The following ADAM11 variants were observed in gnomAD, a reference collection of about 807,000 sequenced individuals.
ADAM11 encodes the protein disintegrin and metalloproteinase domain-containing protein 11.
A neutral mutation model predicts 119.1 loss-of-function variants in ADAM11; 49 were observed. The ratio of observed to expected loss-of-function variants is 0.41; its 90% confidence interval spans 0.33 to 0.52. The LOEUF (loss-of-function observed/expected upper bound fraction) is 0.52. Ranked by LOEUF, ADAM11 falls within the 20% of genes least tolerant of loss-of-function variation. ADAM11 has a pLI of 0.20. For synonymous variants in ADAM11, 364 were observed against 408.0 expected, an observed-to-expected ratio of 0.89 and a Z score of 1.30; for missense variants, 777 against 1,047.5, an observed-to-expected ratio of 0.74 and a Z score of 3.56.
At chr17:44,771,117 A>T (rs774373675) in intron 4 of ADAM11, among the ~76,000 whole-genome samples, 9 of 151,992 alleles carry the variant, frequency 5.9e-5, no homozygotes, top group Non-Finnish European at 1.3e-4. Context: ...TCCGTCTCAA[A>T]AAATAAATAA....
At position 44,773,428 on chromosome 17, in the gene ADAM11, G is replaced by A. The variant is rs1365949465; in HGVS notation, c.992+1G>A. The A allele has an allele frequency of 3.1e-6, 5 of 1,612,228 alleles. No individual in the cohort carries two copies. The highest frequency in any genetic ancestry group is 2.2e-5 in the East Asian group (1 of 44,830). Reference sequence around the variant, plus strand: ...CCAGTGATGCCACCCACCTCTTCTCGTGAGTCCCCCACCCTGCACCTCCTG... The same window carrying A: ...CCAGTGATGCCACCCACCTCTTCTCATGAGTCCCCCACCCTGCACCTCCTG... On this transcript the variant is annotated splice_donor_variant, in intron 11 of 26. Coordinates refer to ENST00000200557, the MANE Select transcript of ADAM11 (RefSeq NM_002390.6). LOFTEE classifies it high-confidence loss of function. This position sits in a 1 kb window ranked among gnomAD's most constrained non-coding sequence, Gnocchi z 4.6.
intron 2 of ADAM11, among the ~76,000 whole-genome samples, chr17:44,762,092 G>A (rs1173621097): frequency 6.6e-6 from 1 of 152,198 alleles, no homozygotes; most frequent in East Asian, 1.9e-4. Context: ...CCAAAGTGCT[G>A]GGATTACAAG....
rs1183741587 is a variant in ADAM11, at chr17:44,772,339, G to T, written c.610+6G>T. The T allele has an allele frequency of 6.3e-7, 1 of 1,593,276 alleles. No homozygotes were observed. The highest frequency in any genetic ancestry group is 8.6e-7 in the Non-Finnish European group (1 of 1,168,702). On this transcript the variant is annotated splice_donor_region_variant and intron_variant, in intron 7 of 26. Coordinates refer to ENST00000200557, the MANE Select transcript of ADAM11 (RefSeq NM_002390.6). This position sits in a 1 kb window ranked among gnomAD's most constrained non-coding sequence, Gnocchi z 4.5. ...CCTCGGATGCAGGGAACCAGGTAAG[G>T]GAGGGAAGGGGGGGTGGGGAGGGGC...
intron 2 of ADAM11, among the ~76,000 whole-genome samples, chr17:44,764,796 T>C (rs1428322861): frequency 6.6e-6 from 1 of 152,132 alleles, no homozygotes; most frequent in Non-Finnish European, 1.5e-5. Context: ...GAATGTCAGG[T>C]GTCCAGCCCA....
In ADAM11 at chr17:44,780,985, C is replaced by CT. The variant is rs1184495273; in HGVS notation, c.*1232dup. 6.6e-6 allele frequency: 1 copy of CT among 152,632 alleles called. No individual in the cohort carries two copies. The highest frequency in any genetic ancestry group is 1.5e-5 in the Non-Finnish European group (1 of 68,084). 9.5% of individuals were successfully genotyped at this position (152,632 alleles called of 1,614,324 possible). ...AGCTCCTCAGTCTTCTCACACAGTC[C>CT]TGCCGGTGGCCTTCCCTCATGACCC... On this transcript the variant is annotated 3_prime_UTR_variant, in exon 27 of 27. Transcript: ENST00000200557.
rs1247079048 is a variant in ADAM11, at chr17:44,777,052, A to C, written c.1681+90A>C. 6.3e-5 allele frequency: 97 copies of C among 1,551,182 alleles called. No individual in the cohort carries two copies. The highest frequency in any genetic ancestry group is 8.1e-5 in the Non-Finnish European group (92 of 1,140,826). ...TGGGTTCCAGCTGAACAGGCCCCCA[A>C]GTGTGTAGCTCCCCAGGATCTCAGG... On this transcript the variant is annotated intron_variant, in intron 20 of 26. Transcript: ENST00000200557. The surrounding 1 kb of genome is among the most constrained non-coding windows in gnomAD (Gnocchi z 5.1).
intron 1 of ADAM11, 164 bp from the exon 2 acceptor site, chr17:44,759,558 C>G (rs2049363594): frequency 1.6e-6 from 2 of 1,266,378 alleles, no homozygotes; most frequent in African/African-American, 1.5e-5. Flanking sequence ...CTGGCCCCCT[C>G]CCCGCGGGCT....
At position 44,777,786 on chromosome 17, in the gene ADAM11, C is replaced by A. The variant is rs755837338; in HGVS notation, c.1993C>A (p.Arg665Ser). 2 of 1,613,996 alleles carry A rather than the reference C, an allele frequency of 1.2e-6. No individual in the cohort carries two copies. The highest frequency in any genetic ancestry group is 1.6e-4 in the Middle Eastern group (1 of 6,062). Residue 665 changes from arginine (R) to serine (S), a missense_variant, in exon 23 of 27, where the codon CGC (arginine) becomes AGC (serine). By Grantham distance (110) the Arg-to-Ser change is moderately radical. Coordinates refer to ENST00000200557, the MANE Select transcript of ADAM11 (RefSeq NM_002390.6). This position sits in a 1 kb window ranked among gnomAD's most constrained non-coding sequence, Gnocchi z 5.1. ...GCCTAACATGTTGTGCCTGGACCAT[C>A]GCTGCCTGCCAGCTTCTGCCTTCAA... ...CGPNMLCLDH[R>S]CLPASAFNFS...
intron 2 of ADAM11, among the ~76,000 whole-genome samples, chr17:44,760,179 C>T (rs1275584294): frequency 6.6e-6 from 1 of 152,216 alleles, no homozygotes; most frequent in Non-Finnish European, 1.5e-5. Flanking sequence ...TCCAATGGCC[C>T]CCTGCTCTGC....
chr17:44,771,724 G>A, intron 5 of ADAM11, 32 bp from the exon 6 acceptor site: 1 of 1,612,912 alleles, frequency 6.2e-7, no homozygotes, highest in South Asian at 1.1e-5. Context: ...CAGGCCTGGG[G>A]ACGGAGGGGA....
At chr17:44,768,221 A>G (rs1039794504) in intron 2 of ADAM11, among the ~76,000 whole-genome samples, 1 of 152,180 alleles carries the variant, frequency 6.6e-6, no homozygotes, top group African/African-American at 2.4e-5. Flanking sequence ...GGTTCAGGCC[A>G]TGGGCCGGGA....
intron 25 of ADAM11, 59 bp from the exon 26 acceptor site, chr17:44,779,159 TGAGA>T: frequency 6.4e-7 from 1 of 1,562,830 alleles, no homozygotes; most frequent in Non-Finnish European, 8.6e-7. Flanking sequence ...GGCCCCTCCC[TGAGA>T]GAAGCAAAAG....
intron 11 of ADAM11, among the ~76,000 whole-genome samples, chr17:44,774,069 C>T (rs946080367): frequency 6.6e-6 from 1 of 151,504 alleles, no homozygotes; most frequent in Non-Finnish European, 1.5e-5. Context: ...CCAACCTGGA[C>T]CACAAGAGTG....
chr17:44,778,817 G>A (rs1027405012), intron 25 of ADAM11, among the ~76,000 whole-genome samples: 5 of 151,856 alleles, frequency 3.3e-5, no homozygotes, highest in Admixed American at 1.3e-4. Context: ...GAGCCCCAGC[G>A]TGCCTCTAAG....
intron 2 of ADAM11, among the ~76,000 whole-genome samples, chr17:44,768,000 G>A (rs1301676916): frequency 1.3e-5 from 2 of 152,222 alleles, no homozygotes; most frequent in Non-Finnish European, 2.9e-5. Context: ...TCGCATCTGG[G>A]CTCATCTGAC....
chr17:44,775,758 A>C lies in ADAM11; in HGVS notation c.1485+82A>C. ...TTCATATAAGGGGTGGGAGCTAGGG[A>C]GGGAAGCGGAGCCTTCGGGGACGAA... On this transcript the variant is annotated intron_variant, in intron 17 of 26. Transcript: ENST00000200557. This position sits in a 1 kb window ranked among gnomAD's most constrained non-coding sequence, Gnocchi z 7.5. The C allele has an allele frequency of 2.9e-6, 4 of 1,368,444 alleles. No homozygotes were observed. Among genetic ancestry groups the C allele is most frequent in the Non-Finnish European group, 4.0e-6 (4 of 1,012,144 alleles). The allele number at this position is 1,368,444 out of a possible 1,614,324, so 84.8% of individuals were successfully genotyped here.
At position 44,774,723 on chromosome 17, in the gene ADAM11, G is replaced by A; in HGVS notation, c.1194G>A (p.Trp398Ter). ...SAGDCKCPDI[W>*]LGCIMEDTGF... ...GGGACTGCAAGTGTCCAGACATCTGGCTGGGCTGCATCATGGAGGACACTG... is the reference window on the plus strand; with the variant it reads ...GGGACTGCAAGTGTCCAGACATCTGACTGGGCTGCATCATGGAGGACACTG... Residue 398 changes from tryptophan (W) to a stop codon, truncating the protein, a stop_gained, in exon 14 of 27, where the codon TGG (tryptophan) becomes TGA (stop). Transcript: ENST00000200557. LOFTEE classifies it high-confidence loss of function. 6.3e-7 allele frequency: 1 copy of A among 1,590,206 alleles called. No homozygotes were observed. Among genetic ancestry groups the A allele is most frequent in the Admixed American group, 1.9e-5 (1 of 51,328 alleles).
chr17:44,779,272 G>A (rs2049657614), intron 26 of ADAM11, 33 bp downstream of exon 26: 2 of 1,559,278 alleles, frequency 1.3e-6, no homozygotes, highest in East Asian at 2.5e-5. Context: ...GCAGTGTGAT[G>A]CCGGCCACGT....
chr17:44,779,075 TG>T, intron 25 of ADAM11, 146 bp from the exon 26 acceptor site: 1 of 996,962 alleles, frequency 1.0e-6, no homozygotes, highest in Non-Finnish European at 1.5e-6. Context: ...TAATTCTCCC[TG>T]GCCCTTACAT....
Sources: allele counts gnomAD v4.1 joint callset (sites outside exome capture counted in the v4.1 genomes callset), GRCh38; gene constraint gnomAD v4.1.1; non-coding constraint Gnocchi (gnomAD v3.1); transcripts MANE v1.5; gene names NCBI Gene and HGNC (gene_info 2026-07-23, HGNC 2026-07-21).